Variants in PARD6G observed in about 807,000 individuals in gnomAD.
PARD6G encodes the protein par-6 family cell polarity regulator gamma.
PARD6G carries 7 observed loss-of-function variants against 10.7 expected under a neutral mutation model. The ratio of observed to expected loss-of-function variants is 0.66; its 90% CI spans 0.37 to 1.23. The LOEUF is 1.23. Among genes scored for constraint, PARD6G ranks in the 50% most tolerant of loss-of-function variants. The pLI, the probability that PARD6G is intolerant of heterozygous loss-of-function variation, is 0.02. For synonymous variants in PARD6G, 287 were observed against 269.4 expected (o/e 1.07, Z -0.64); for missense variants, 548 against 571.8 (o/e 0.96, Z 0.42).
At position 80,231,113 on chromosome 18, in the gene PARD6G, T is replaced by C. The variant is rs1339837747; in HGVS notation, c.72+16164A>G. Reference sequence around the variant, plus strand: ...CCCAGGTGGGAGGGGATGCCCCTCATGGAGGGAATGGACAAGGATGGCCCA... The same window carrying C: ...CCCAGGTGGGAGGGGATGCCCCTCACGGAGGGAATGGACAAGGATGGCCCA... On this transcript the variant is annotated intron_variant, in intron 1 of 2. Coordinates refer to ENST00000353265, the MANE Select transcript of PARD6G (RefSeq NM_032510.4). This position sits in a 1 kb window ranked among gnomAD's most constrained non-coding sequence, Gnocchi z 4.2. Among the ~76,000 whole-genome samples, 1 of 152,056 alleles carries C rather than the reference T, an allele frequency of 6.6e-6. No homozygotes were observed. The highest frequency in any genetic ancestry group is 1.5e-5 in the Non-Finnish European group (1 of 67,984).
At chr18:80,206,333 T>C (rs988520583) in intron 1 of PARD6G, among the ~76,000 whole-genome samples, 2 of 152,180 alleles carry the variant, frequency 1.3e-5, no homozygotes, top group African/African-American at 4.8e-5. Flanking sequence ...TGGTATTGGG[T>C]ACTAAATATT....
At chr18:80,225,916 C>T (rs772542406) in intron 1 of PARD6G, among the ~76,000 whole-genome samples, 2 of 152,070 alleles carry the variant, frequency 1.3e-5, no homozygotes, top group African/African-American at 2.4e-5. Context: ...GCCCCACACA[C>T]GGATGTCTAA....
intron 2 of PARD6G, among the ~76,000 whole-genome samples, chr18:80,173,545 A>C (rs1055117241): frequency 6.6e-6 from 1 of 151,992 alleles, no homozygotes; most frequent in African/African-American, 2.4e-5. Flanking sequence ...AAATCGCTTG[A>C]ACCCAGGAGG....
chr18:80,193,184 A>G (rs1376591690), intron 2 of PARD6G, among the ~76,000 whole-genome samples: 1 of 152,076 alleles, frequency 6.6e-6, no homozygotes, highest in Non-Finnish European at 1.5e-5. Context: ...TCCCCACTCC[A>G]GGTCCTAGGA....
rs529385679 is a variant in PARD6G at position 80,226,517 on chromosome 18, A to G, written c.72+20760T>C. The stretch of plus-strand genomic sequence containing the variant: ...TGCATACGAAAGCAAACAAATGTGA[A>G]TTGTCTCTATCTTCCCTCTTTTCTA... On this transcript the variant is annotated intron_variant, in intron 1 of 2. Transcript: ENST00000353265. 1.3e-4 allele frequency among the ~76,000 whole-genome samples: 20 copies of G among 152,204 alleles called. 1 individual carries two copies. In the South Asian group the frequency reaches 3.9e-3, roughly 30 times the overall value.
chr18:80,198,213 C>T (rs910309699), intron 2 of PARD6G, among the ~76,000 whole-genome samples: 1 of 152,216 alleles, frequency 6.6e-6, no homozygotes, highest in Non-Finnish European at 1.5e-5. Context: ...CAAATGCAGC[C>T]TCTCTGCAAG....
intron 1 of PARD6G, among the ~76,000 whole-genome samples, chr18:80,212,649 G>C (rs548809502): frequency 6.6e-6 from 1 of 152,268 alleles, no homozygotes; most frequent in Non-Finnish European, 1.5e-5. Flanking sequence ...ATTTTGGGAG[G>C]CCAAGGCGGG....
intron 1 of PARD6G, among the ~76,000 whole-genome samples, chr18:80,243,906 G>A (rs111586116): frequency 4.4e-4 from 67 of 152,284 alleles, no homozygotes; most frequent in Middle Eastern, 3.4e-3. Context: ...GAAGGAACTC[G>A]GGGCTCTGGG....
At chr18:80,177,218 GCA>G (rs35217634) in intron 2 of PARD6G, among the ~76,000 whole-genome samples, 1,602 of 98,710 alleles carry the variant, frequency 0.016, 19 homozygotes, top group Middle Eastern at 0.038. Context: ...AATGGGAAGC[GCA>G]CACACACACA....
intron 1 of PARD6G, among the ~76,000 whole-genome samples, chr18:80,223,581 G>A (rs567360821): frequency 1.3e-5 from 2 of 152,314 alleles, no homozygotes; most frequent in South Asian, 2.1e-4. Flanking sequence ...TGATAAGAAC[G>A]TGTGGGAATC....
In PARD6G at chr18:80,184,558, A is replaced by C. The variant is rs573778920; in HGVS notation, c.295+18152T>G. On this transcript the variant is annotated intron_variant, in intron 2 of 2. Transcript: ENST00000353265. The surrounding 1 kb of genome is among the most constrained non-coding windows in gnomAD (Gnocchi z 4.5). ...GGGAGCAAGGCAGTGAAACCCTCAG[A>C]GGGAGCAAGGCCGTGAAACCCGCAG... 6.0e-5 allele frequency: 9 copies of C among 150,706 alleles called. No homozygotes were observed. Among genetic ancestry groups the C allele is most frequent in the African/African-American group, 1.7e-4 (7 of 40,658 alleles). The allele number at this position is 150,706 out of a possible 1,614,324, so 9.3% of individuals were successfully genotyped here.
At chr18:80,176,784 C>T (rs948709445) in intron 2 of PARD6G, among the ~76,000 whole-genome samples, 2 of 152,268 alleles carry the variant, frequency 1.3e-5, no homozygotes, top group African/African-American at 4.8e-5. Context: ...CCTGGTGCCG[C>T]GGCGGCCACA....
At chr18:80,177,877 C>A (rs183557579) in intron 2 of PARD6G, among the ~76,000 whole-genome samples, 5 of 151,094 alleles carry the variant, frequency 3.3e-5, no homozygotes, top group Admixed American at 2.6e-4. Flanking sequence ...GCACACACAC[C>A]CACCACACAT....
At chr18:80,229,311 C>G (rs1038624638) in intron 1 of PARD6G, among the ~76,000 whole-genome samples, 1 of 152,220 alleles carries the variant, frequency 6.6e-6, no homozygotes, top group Non-Finnish European at 1.5e-5. Flanking sequence ...AACACACACA[C>G]AAAAACACAA....
At chr18:80,233,671 C>A (rs969326915) in intron 1 of PARD6G, among the ~76,000 whole-genome samples, 1 of 152,098 alleles carries the variant, frequency 6.6e-6, no homozygotes, top group Non-Finnish European at 1.5e-5. Context: ...CTGTAACAGC[C>A]CCAAACTCCT....
Position 80,181,144 on chromosome 18 carries a change from C to G in PARD6G, c.296-20538G>C, listed in dbSNP as rs971005408. Among the ~76,000 whole-genome samples the G allele has an allele frequency of 1.3e-5, 2 of 152,160 alleles. No individual in the cohort carries two copies. The highest frequency in any genetic ancestry group is 4.8e-5 in the African/African-American group (2 of 41,434). On this transcript the variant is annotated intron_variant, in intron 2 of 2. Coordinates refer to ENST00000353265, the MANE Select transcript of PARD6G (RefSeq NM_032510.4). The surrounding 1 kb of genome is among the most constrained non-coding windows in gnomAD (Gnocchi z 7.9). The stretch of plus-strand genomic sequence containing the variant: ...GGGGTGGGCCAGGAAGGGGCGCCAC[C>G]CTGAAGGCTCAGTCTGTGTGGCAAT...
intron 1 of PARD6G, among the ~76,000 whole-genome samples, chr18:80,227,749 C>G (rs537378575): frequency 2.0e-5 from 3 of 152,286 alleles, no homozygotes; most frequent in African/African-American, 7.2e-5. Context: ...CCCACTCACT[C>G]CCCACCCCAC....
At chr18:80,177,983 A>ACACGCATACACACACACACACACT (rs2052825921) in intron 2 of PARD6G, 2 of 164,070 alleles carry the variant, frequency 1.2e-5, no homozygotes, top group South Asian at 4.2e-4. Context: ...ACACACACAC[A>ACACGCATACACACACACACACACT]CACACACACA....
In PARD6G at chr18:80,183,244, T is replaced by C. The variant is rs1245289773; in HGVS notation, c.295+19466A>G. 1.7e-5 allele frequency: 12 copies of C among 700,314 alleles called. No individual in the cohort carries two copies. Among genetic ancestry groups the C allele is most frequent in the Admixed American group, 1.2e-4 (6 of 49,830 alleles). 43.4% of individuals were successfully genotyped at this position (700,314 alleles called of 1,614,324 possible). A position where few individuals can be genotyped will look rare whatever the true frequency, so the allele number is the denominator to read the frequency against. ...AGACTTCTGCAAAACAAGCTGCAGA[T>C]AGGCATGGAGAAGAGCAAAGCCGCA... is the stretch of plus-strand genomic sequence containing the variant. On this transcript the variant is annotated intron_variant, in intron 2 of 2. Transcript: ENST00000353265. This position sits in a 1 kb window ranked among gnomAD's most constrained non-coding sequence, Gnocchi z 4.5.
Sources: gnomAD v4.1 joint callset for allele counts (sites outside exome capture counted in the v4.1 genomes callset) on GRCh38, gnomAD v4.1.1 for gene constraint, Gnocchi (gnomAD v3.1) non-coding constraint, MANE v1.5 for transcripts, NCBI Gene and HGNC (gene_info 2026-07-23, HGNC 2026-07-21) for gene names.